KIRREL3: variants seen among roughly 807,000 people sequenced by gnomAD.
The protein encoded by KIRREL3 is kirre like nephrin family adhesion molecule 3, also known as kin of IRRE-like protein 3.
KIRREL3 carries 36 observed loss-of-function variants against 89.7 expected under a neutral mutation model. The observed-to-expected ratio is 0.40, with a 90% CI of 0.31 to 0.53. The LOEUF (loss-of-function observed/expected upper bound fraction) is 0.53. KIRREL3 is among the 20% of genes least tolerant of loss of function. The pLI is 0.49. For synonymous variants in KIRREL3, 445 were observed against 441.4 expected (o/e 1.01, Z -0.10); for missense variants, 864 against 1,056.6 (o/e 0.82, Z 2.53).
rs1591810661 is a variant in KIRREL3 at position 126,607,988 on chromosome 11, G to T, written c.56-45076C>A. ...AAGGGCCCGAGGAACGAGCACGTCA[G>T]CTGTCTCCAGGGCCTTTCTCATCAT... is the stretch of plus-strand genomic sequence containing the variant. On this transcript the variant is annotated intron_variant, in intron 1 of 16. Transcript: ENST00000525144. The surrounding 1 kb of genome is among the most constrained non-coding windows in gnomAD (Gnocchi z 6.6). 1.3e-5 allele frequency among the ~76,000 whole-genome samples: 2 copies of T among 152,336 alleles called. No individual in the cohort carries two copies. Among genetic ancestry groups the T allele is most frequent in the African/African-American group, 4.8e-5 (2 of 41,572 alleles).
rs975787799 is a variant in KIRREL3, at chr11:126,955,924, A to C, written c.55+44531T>G. Among the ~76,000 whole-genome samples, 2 of 152,198 alleles carry C rather than the reference A, an allele frequency of 1.3e-5. No individual in the cohort carries two copies. The highest frequency in any genetic ancestry group is 4.8e-5 in the African/African-American group (2 of 41,440). On this transcript the variant is annotated intron_variant, in intron 1 of 16. Transcript: ENST00000525144. This position sits in a 1 kb window ranked among gnomAD's most constrained non-coding sequence, Gnocchi z 4.6. The stretch of plus-strand genomic sequence containing the variant: ...GTATTTTTAATATTACCCTGGAAAC[A>C]TGAATTGAATTACACAACAAAATGC...
At chr11:126,671,283 C>T (rs1265965249) in intron 1 of KIRREL3, among the ~76,000 whole-genome samples, 1 of 149,550 alleles carries the variant, frequency 6.7e-6, no homozygotes, top group African/African-American at 2.5e-5. Context: ...GCCCACACCA[C>T]TCTTGAACTC....
chr11:126,779,791 G>A (rs1284675110), intron 1 of KIRREL3, among the ~76,000 whole-genome samples: 1 of 137,380 alleles, frequency 7.3e-6, no homozygotes, highest in Non-Finnish European at 1.6e-5. Flanking sequence ...CCATCATTAT[G>A]ATGCCTTCTC....
At chr11:126,680,401 T>A (rs1946396751) in intron 1 of KIRREL3, among the ~76,000 whole-genome samples, 1 of 149,360 alleles carries the variant, frequency 6.7e-6, no homozygotes, top group Admixed American at 6.6e-5. Flanking sequence ...ACTGGAGATA[T>A]ATATATATAT....
intron 1 of KIRREL3, among the ~76,000 whole-genome samples, chr11:126,975,687 G>A (rs1949545264): frequency 6.6e-6 from 1 of 152,068 alleles, no homozygotes; most frequent in South Asian, 2.1e-4. Context: ...GGGCCCTCCT[G>A]GAACTAATTA....
At chr11:126,577,617 C>T (rs969161921) in intron 1 of KIRREL3, among the ~76,000 whole-genome samples, 5 of 139,494 alleles carry the variant, frequency 3.6e-5, no homozygotes, top group Non-Finnish European at 6.2e-5. Context: ...AAAAGATTAG[C>T]GGGGCGTGGT....
At chr11:126,598,400 C>T (rs963965949) in intron 1 of KIRREL3, among the ~76,000 whole-genome samples, 3 of 152,184 alleles carry the variant, frequency 2.0e-5, no homozygotes, top group African/African-American at 4.8e-5. Context: ...ATTTCCTAGC[C>T]TTCCTTAAGA....
At chr11:126,536,349 C>T (rs150244833) in intron 2 of KIRREL3, among the ~76,000 whole-genome samples, 15 of 152,128 alleles carry the variant, frequency 9.9e-5, no homozygotes, top group Non-Finnish European at 1.9e-4. Flanking sequence ...TCAGAGGAGC[C>T]GTTGCTTACT....
rs533701922 is a variant in KIRREL3, at chr11:126,640,371, C to T, written c.56-77459G>A. Among the ~76,000 whole-genome samples the T allele has an allele frequency of 5.9e-5, 9 of 152,188 alleles. No homozygotes were observed. Among genetic ancestry groups the T allele is most frequent in the East Asian group, 5.8e-4 (3 of 5,158 alleles). On this transcript the variant is annotated intron_variant, in intron 1 of 16. Transcript: ENST00000525144. The surrounding 1 kb of genome is among the most constrained non-coding windows in gnomAD (Gnocchi z 4.9). ...ACGCGCGTGTGCGCGCGCACACACA[C>T]GCACACGCGCACACACAGAATTAAA...
chr11:126,495,518 C>T lies in KIRREL3; in HGVS notation c.434-22052G>A, dbSNP rs1591633195. Reference sequence around the variant, plus strand: ...TGGTTGTGGCTGTTGTGTGTGTGGACGTGTTGCTAGGAATGAGGGCCTGAG... The same window carrying T: ...TGGTTGTGGCTGTTGTGTGTGTGGATGTGTTGCTAGGAATGAGGGCCTGAG... On this transcript the variant is annotated intron_variant, in intron 4 of 16. Coordinates refer to ENST00000525144, the MANE Select transcript of KIRREL3 (RefSeq NM_032531.4). The surrounding 1 kb of genome is among the most constrained non-coding windows in gnomAD (Gnocchi z 6.5). Among the ~76,000 whole-genome samples the T allele has an allele frequency of 6.6e-6, 1 of 152,236 alleles. No homozygotes were observed. The highest frequency in any genetic ancestry group is 2.4e-5 in the African/African-American group (1 of 41,528).
intron 1 of KIRREL3, among the ~76,000 whole-genome samples, chr11:126,695,741 G>T (rs1465519755): frequency 6.6e-6 from 1 of 152,214 alleles, no homozygotes; most frequent in East Asian, 1.9e-4. Flanking sequence ...CTGGGACAGA[G>T]CTCTGAGAGA....
rs1029562550 is a variant in KIRREL3, at chr11:126,991,170, C to G, written c.55+9285G>C. Among the ~76,000 whole-genome samples the G allele has an allele frequency of 2.6e-5, 4 of 152,086 alleles. No homozygotes were observed. Among genetic ancestry groups the G allele is most frequent in the African/African-American group, 9.7e-5 (4 of 41,402 alleles). On this transcript the variant is annotated intron_variant, in intron 1 of 16. Coordinates refer to ENST00000525144, the MANE Select transcript of KIRREL3 (RefSeq NM_032531.4). This position sits in a 1 kb window ranked among gnomAD's most constrained non-coding sequence, Gnocchi z 5.8. ...TTCTCTTGGCGTTGTCTCTGGTGAC[C>G]CAAAGGGCATTCAAAGCCTTCCAGA...
Position 126,519,815 on chromosome 11 carries a change from C to G in KIRREL3, c.433+1500G>C, listed in dbSNP as rs1266964170. Among the ~76,000 whole-genome samples the G allele has an allele frequency of 6.6e-6, 1 of 152,202 alleles. No individual in the cohort carries two copies. Among genetic ancestry groups the G allele is most frequent in the Non-Finnish European group, 1.5e-5 (1 of 68,040 alleles). On this transcript the variant is annotated intron_variant, in intron 4 of 16. Transcript: ENST00000525144. This position sits in a 1 kb window ranked among gnomAD's most constrained non-coding sequence, Gnocchi z 4.3. ...CTCCTCTCCTCCCACAACCCCCACA[C>G]CACATGGCAGACTCATTCTCATTTT... is the stretch of plus-strand genomic sequence containing the variant.
chr11:126,502,034 AT>A (rs916434062), intron 4 of KIRREL3, among the ~76,000 whole-genome samples: 50 of 151,962 alleles, frequency 3.3e-4, no homozygotes, highest in African/African-American at 9.2e-4. Flanking sequence ...AGAAATCAGA[AT>A]TTTTTTTTAA....
intron 1 of KIRREL3, among the ~76,000 whole-genome samples, chr11:126,863,509 G>T (rs564599931): frequency 6.7e-6 from 1 of 149,440 alleles, no homozygotes; most frequent in East Asian, 2.0e-4. Context: ...GTGTGAGTGC[G>T]TGTGTGTTTG....
chr11:126,976,279 A>G lies in KIRREL3; in HGVS notation c.55+24176T>C, dbSNP rs1384463695. ...CAACATCACAAAGGAGAGACAGATT[A>G]TGAAATTATAATGACATATTATTTT... On this transcript the variant is annotated intron_variant, in intron 1 of 16. Coordinates refer to ENST00000525144, the MANE Select transcript of KIRREL3 (RefSeq NM_032531.4). The surrounding 1 kb of genome is among the most constrained non-coding windows in gnomAD (Gnocchi z 4.2). 6.6e-6 allele frequency among the ~76,000 whole-genome samples: 1 copy of G among 152,184 alleles called. No individual in the cohort carries two copies.
intron 1 of KIRREL3, among the ~76,000 whole-genome samples, chr11:126,690,157 T>C (rs978145010): frequency 1.3e-5 from 2 of 152,212 alleles, no homozygotes; most frequent in African/African-American, 4.8e-5. Flanking sequence ...CTCTCCTGGC[T>C]TTATCTGTAG....
At chr11:126,923,686 C>T (rs1947572881) in intron 1 of KIRREL3, among the ~76,000 whole-genome samples, 1 of 151,998 alleles carries the variant, frequency 6.6e-6, no homozygotes, top group Admixed American at 6.6e-5. Context: ...TCAGGCAATC[C>T]ACCCACCTCG....
intron 1 of KIRREL3, among the ~76,000 whole-genome samples, chr11:126,727,761 G>C (rs150511985): frequency 2.6e-5 from 4 of 152,318 alleles, no homozygotes; most frequent in African/African-American, 7.2e-5. Flanking sequence ...CTACGGAAAC[G>C]CTGTCTCTGT....
Sources: gnomAD v4.1 joint callset for allele counts (sites outside exome capture counted in the v4.1 genomes callset) on GRCh38, gnomAD v4.1.1 for gene constraint, Gnocchi (gnomAD v3.1) non-coding constraint, MANE v1.5 for transcripts, NCBI Gene and HGNC (gene_info 2026-07-23, HGNC 2026-07-21) for gene names.